EPHA4: variants seen among roughly 807,000 people sequenced by gnomAD.
EPHA4 encodes EPH receptor A4.
EPHA4 carries 19 observed loss-of-function variants against 108.3 expected under a neutral mutation model. The ratio of observed to expected loss-of-function variants is 0.18; its 90% confidence interval spans 0.12 to 0.26. The LOEUF is 0.26. Among genes scored for constraint, EPHA4 ranks in the 10% least tolerant of loss-of-function variants. The pLI is 1.00. For synonymous variants in EPHA4, 449 were observed against 455.5 expected (o/e 0.99, Z 0.18); for missense variants, 917 against 1,254.0 (o/e 0.73, Z 4.06).
At chr2:221,507,053 T>C (rs1214674960) in intron 3 of EPHA4, among the ~76,000 whole-genome samples, 1 of 152,178 alleles carries the variant, frequency 6.6e-6, no homozygotes, top group African/African-American at 2.4e-5. Flanking sequence ...TCAGATCATA[T>C]AAAAACTGGT....
At chr2:221,462,652 T>G (rs1691184820) in intron 5 of EPHA4, among the ~76,000 whole-genome samples, 1 of 152,176 alleles carries the variant, frequency 6.6e-6, no homozygotes, top group Non-Finnish European at 1.5e-5. Context: ...GTGGGGTTGG[T>G]TTTACTATTT....
Position 221,455,659 on chromosome 2 carries a change from C to T in EPHA4, c.1604-1G>A. ...CCATCTCCAATGATCCGGGAAGGCA[C>T]TGGGAATGACAATTGCATAAGGGTC... On this transcript the variant is annotated splice_acceptor_variant, in intron 7 of 17. Coordinates refer to ENST00000281821, the MANE Select transcript of EPHA4 (RefSeq NM_004438.5). LOFTEE classifies it high-confidence loss of function. 6.2e-7 allele frequency: 1 copy of T among 1,609,714 alleles called. No individual in the cohort carries two copies. Among genetic ancestry groups the T allele is most frequent in the Non-Finnish European group, 8.5e-7 (1 of 1,176,344 alleles).
chr2:221,464,692 C>T (rs548464183), intron 5 of EPHA4, among the ~76,000 whole-genome samples: 1 of 152,272 alleles, frequency 6.6e-6, no homozygotes, highest in African/African-American at 2.4e-5. Context: ...ACTCCTCTGC[C>T]ATCTTTTAGG....
intron 8 of EPHA4, among the ~76,000 whole-genome samples, chr2:221,449,135 AC>A (rs879573683): frequency 1.3e-5 from 2 of 152,126 alleles, no homozygotes; most frequent in African/African-American, 2.4e-5. Context: ...CTGAAAAAAA[AC>A]CACAAGGATT....
At chr2:221,531,707 C>T (rs374328506) in intron 3 of EPHA4, among the ~76,000 whole-genome samples, 1 of 136,196 alleles carries the variant, frequency 7.3e-6, no homozygotes, top group Non-Finnish European at 1.5e-5. Flanking sequence ...TTATACTCAT[C>T]TATCTGTCTC....
intron 3 of EPHA4, among the ~76,000 whole-genome samples, chr2:221,548,314 A>G (rs1694059758): frequency 6.6e-6 from 1 of 151,996 alleles, no homozygotes; most frequent in Non-Finnish European, 1.5e-5. Context: ...CCAAGATCAC[A>G]GATCGCACCA....
At chr2:221,472,021 G>C (rs1047620726) in intron 5 of EPHA4, among the ~76,000 whole-genome samples, 1 of 152,064 alleles carries the variant, frequency 6.6e-6, no homozygotes, top group Non-Finnish European at 1.5e-5. Context: ...GAACCCTATA[G>C]GATTGGGATT....
rs1277382130 is a variant in EPHA4, at chr2:221,419,041, C to T, written c.*2331G>A. 6.6e-6 allele frequency: 1 copy of T among 152,536 alleles called. No homozygotes were observed. The highest frequency in any genetic ancestry group is 1.5e-5 in the Non-Finnish European group (1 of 68,018). 9.4% of individuals were successfully genotyped at this position (152,536 alleles called of 1,614,324 possible). A position where few individuals can be genotyped will look rare whatever the true frequency, so the allele number is the denominator to read the frequency against. ...TCTACTTATTCAACAATAAATGGTT[C>T]AGAATCTATTTTTTTTCCTCATTTT... On this transcript the variant is annotated 3_prime_UTR_variant, in exon 18 of 18. Coordinates refer to ENST00000281821, the MANE Select transcript of EPHA4 (RefSeq NM_004438.5).
At chr2:221,441,197 C>CT (rs201795751) in intron 11 of EPHA4, among the ~76,000 whole-genome samples, 6,416 of 132,038 alleles carry the variant, frequency 0.049, 405 homozygotes, top group African/African-American at 0.15. Flanking sequence ...CTTTTCTTTT[C>CT]TTTTTTTTTT....
chr2:221,435,347 G>GA (rs1420168802), intron 13 of EPHA4, among the ~76,000 whole-genome samples: 3 of 152,076 alleles, frequency 2.0e-5, no homozygotes, highest in Non-Finnish European at 1.5e-5. Context: ...CAACTACTGG[G>GA]AAAAAATAAA....
rs575325212 is a variant in EPHA4, at chr2:221,432,124, ATT to A, written c.2497-1975_2497-1974del. ...ACAACAGAATTCTTTATATATATAT[ATT>A]GTTTTTTTATATATATGTGTGTATA... On this transcript the variant is annotated intron_variant, in intron 14 of 17. Coordinates refer to ENST00000281821, the MANE Select transcript of EPHA4 (RefSeq NM_004438.5). Among the ~76,000 whole-genome samples the A allele has an allele frequency of 2.2e-3, 316 of 140,764 alleles. 1 individual carries two copies. Among genetic ancestry groups the A allele is most frequent in the Middle Eastern group, 0.015 (4 of 260 alleles). The allele number at this position is 140,764 out of a possible 152,430, so 92.3% of individuals were successfully genotyped here.
chr2:221,452,417 C>T (rs924730330), intron 8 of EPHA4, among the ~76,000 whole-genome samples: 1 of 152,224 alleles, frequency 6.6e-6, no homozygotes, highest in Non-Finnish European at 1.5e-5. Context: ...GCCAGCCAGG[C>T]TTTCATCCCC....
Position 221,566,929 on chromosome 2 carries a change from AAG to A in EPHA4, c.159+1787_159+1788del, listed in dbSNP as rs1559297263. On this transcript the variant is annotated intron_variant, in intron 2 of 17. Coordinates refer to ENST00000281821, the MANE Select transcript of EPHA4 (RefSeq NM_004438.5). ...GAAGGAGAAGGAGAAGGAGAAGGAGAAGGAGAAGGAGAAGGAGAAGGAGAAGG... is the reference window on the plus strand; with the variant it reads ...GAAGGAGAAGGAGAAGGAGAAGGAGAGAGAAGGAGAAGGAGAAGGAGAAGG... Among the ~76,000 whole-genome samples, 8 of 61,970 alleles carry A rather than the reference AAG, an allele frequency of 1.3e-4. 2 individuals carry two copies. The highest frequency in any genetic ancestry group is 4.6e-4 in the African/African-American group (5 of 10,964). 40.7% of individuals were successfully genotyped at this position (61,970 alleles called of 152,430 possible).
At chr2:221,480,555 G>A (rs1463646514) in intron 5 of EPHA4, among the ~76,000 whole-genome samples, 2 of 151,954 alleles carry the variant, frequency 1.3e-5, no homozygotes, top group African/African-American at 4.8e-5. Context: ...ATAAACTGTT[G>A]GCAATCACAG....
chr2:221,507,456 A>G (rs1692664711), intron 3 of EPHA4, among the ~76,000 whole-genome samples: 1 of 152,182 alleles, frequency 6.6e-6, no homozygotes, highest in Non-Finnish European at 1.5e-5. Context: ...TTCTGCAATT[A>G]TATATTATGA....
chr2:221,455,591 C>T lies in EPHA4; in HGVS notation c.1671G>A (p.Val557=), dbSNP rs1452082337. 2 of 1,613,974 alleles carry T rather than the reference C, an allele frequency of 1.2e-6. No homozygotes were observed. Among genetic ancestry groups the T allele is most frequent in the Non-Finnish European group, 1.7e-6 (2 of 1,179,930 alleles). ...CTGCAATGAGAATTACCACCAGCACCACACTGCCCGAGACAGAGACCAGAA... is the reference window on the plus strand; with the variant it reads ...CTGCAATGAGAATTACCACCAGCACTACACTGCCCGAGACAGAGACCAGAA... ...TVLLVSVSGS[V]VLVVILIAAF... is the part of the protein sequence containing the mutation. Residue 557 remains valine, a synonymous_variant, in exon 8 of 18, where the codon GTG becomes GTA. Coordinates refer to ENST00000281821, the MANE Select transcript of EPHA4 (RefSeq NM_004438.5).
At chr2:221,560,055 C>G (rs550500535) in intron 3 of EPHA4, among the ~76,000 whole-genome samples, 4 of 152,174 alleles carry the variant, frequency 2.6e-5, no homozygotes, top group Non-Finnish European at 4.4e-5. Context: ...GGTCCTTTGA[C>G]GACTCAGTGG....
chr2:221,554,078 T>C (rs1694238673), intron 3 of EPHA4, among the ~76,000 whole-genome samples: 1 of 152,180 alleles, frequency 6.6e-6, no homozygotes, highest in African/African-American at 2.4e-5. Flanking sequence ...GAAGTGTGGG[T>C]CTGTTTAAAT....
At chr2:221,444,666 C>T (rs560192473) in intron 9 of EPHA4, among the ~76,000 whole-genome samples, 11 of 151,636 alleles carry the variant, frequency 7.3e-5, no homozygotes, top group Middle Eastern at 3.5e-3. Flanking sequence ...CTTCATATCC[C>T]TCATCACTTT....
Sources: gnomAD v4.1 joint callset for allele counts (sites outside exome capture counted in the v4.1 genomes callset) on GRCh38, gnomAD v4.1.1 for gene constraint, MANE v1.5 for transcripts, NCBI Gene and HGNC (gene_info 2026-07-23, HGNC 2026-07-21) for gene names.